RBFOX1: variants seen among roughly 807,000 people sequenced by gnomAD.
RBFOX1 encodes RNA binding fox-1 homolog 1.
RBFOX1 carries 8 observed loss-of-function variants against 57.7 expected under a neutral mutation model. The ratio of observed to expected loss-of-function variants is 0.14; its 90% CI spans 0.08 to 0.25. The LOEUF is 0.25. Ranked by LOEUF, RBFOX1 falls within the 10% of genes least tolerant of loss-of-function variation. The pLI, the probability that RBFOX1 is intolerant of heterozygous loss-of-function variation, is 1.00. For synonymous variants in RBFOX1, 326 were observed against 222.4 expected, an observed-to-expected ratio of 1.47 and a Z score of -4.15; for missense variants, 611 against 548.5, an observed-to-expected ratio of 1.11 and a Z score of -1.14.
intron 2 of RBFOX1, among the ~76,000 whole-genome samples, chr16:6,461,069 C>G (rs1222239226): frequency 6.6e-6 from 1 of 152,006 alleles, no homozygotes; most frequent in Non-Finnish European, 1.5e-5. Context: ...CAGATAGACA[C>G]AGAGAGGGGA....
At chr16:6,167,327 C>G (rs1018042130) in intron 1 of RBFOX1, among the ~76,000 whole-genome samples, 4 of 152,216 alleles carry the variant, frequency 2.6e-5, no homozygotes, top group Non-Finnish European at 4.4e-5. Flanking sequence ...TGTACTTTCT[C>G]TGTGGACTTT....
chr16:5,808,527 G>A (rs201884130), intron 3 of RBFOX1, among the ~76,000 whole-genome samples: 1 of 152,128 alleles, frequency 6.6e-6, no homozygotes. Flanking sequence ...CCATTTTCAC[G>A]ATATTGATTC....
intron 1 of RBFOX1, among the ~76,000 whole-genome samples, chr16:5,334,665 T>C: frequency 6.6e-6 from 1 of 152,052 alleles, no homozygotes. Context: ...TGTTCACATG[T>C]GCACATATAT....
At chr16:6,642,611 G>T (rs62017860) in intron 2 of RBFOX1, among the ~76,000 whole-genome samples, 2 of 151,808 alleles carry the variant, frequency 1.3e-5, no homozygotes, top group Non-Finnish European at 2.9e-5. Context: ...AAAAAGTAAG[G>T]TGAAGAAAAC....
chr16:7,455,803 A>T (rs1040570494), intron 4 of RBFOX1, among the ~76,000 whole-genome samples: 6 of 147,218 alleles, frequency 4.1e-5, no homozygotes, highest in Non-Finnish European at 6.0e-5. Flanking sequence ...AAAAAAAAAG[A>T]AAAAAAAGAA....
At chr16:5,542,313 ATC>A (rs2044990815) in intron 2 of RBFOX1, among the ~76,000 whole-genome samples, 1 of 145,620 alleles carries the variant, frequency 6.9e-6, no homozygotes, top group South Asian at 2.2e-4. Flanking sequence ...CAGTGGCACG[ATC>A]TCGGCTCACT....
rs183173296 is a variant in RBFOX1, at chr16:6,483,619, G to A, written c.-64+166562G>A. 183 of 1,205,494 alleles carry A rather than the reference G, an allele frequency of 1.5e-4. 1 individual carries two copies. In the East Asian group the frequency reaches 6.0e-3, roughly 40 times the overall value. 74.7% of individuals were successfully genotyped at this position (1,205,494 alleles called of 1,614,324 possible). ...GAGGGAGAGAGGGAGGGAGGGAAGG[G>A]AGAGACCAGGCAGCTTCTGCAGAGG... On this transcript the variant is annotated intron_variant, in intron 2 of 15. Transcript: ENST00000550418.
intron 4 of RBFOX1, among the ~76,000 whole-genome samples, chr16:7,389,123 T>G (rs939978739): frequency 6.6e-6 from 1 of 151,062 alleles, no homozygotes; most frequent in African/African-American, 2.4e-5. Context: ...TTGTTCCTTT[T>G]TATTTTTATT....
intron 2 of RBFOX1, among the ~76,000 whole-genome samples, chr16:5,493,447 G>T (rs562832384): frequency 6.6e-6 from 1 of 152,272 alleles, no homozygotes; most frequent in Non-Finnish European, 1.5e-5. Flanking sequence ...GATCTAAGGT[G>T]TAATGAGTTG....
intron 1 of RBFOX1, among the ~76,000 whole-genome samples, chr16:6,109,266 T>C (rs1597386028): frequency 6.6e-6 from 1 of 152,220 alleles, no homozygotes; most frequent in East Asian, 1.9e-4. Context: ...AAGCATTTCT[T>C]GATCATCTTT....
chr16:6,705,229 A>G (rs1346448135), intron 3 of RBFOX1: 1 of 152,154 alleles, frequency 6.6e-6, no homozygotes, highest in Non-Finnish European at 1.5e-5. Context: ...GTTGGCATTC[A>G]TCTAGTGGGA....
intron 3 of RBFOX1, among the ~76,000 whole-genome samples, chr16:6,675,324 G>T (rs574399258): frequency 6.6e-6 from 1 of 152,112 alleles, no homozygotes; most frequent in African/African-American, 2.4e-5. Flanking sequence ...CTAAATGTAG[G>T]TGCTCTTGCA....
At chr16:6,560,140 C>G (rs1471253688) in intron 2 of RBFOX1, among the ~76,000 whole-genome samples, 1 of 149,612 alleles carries the variant, frequency 6.7e-6, no homozygotes, top group African/African-American at 2.5e-5. Flanking sequence ...GTTATTCTGC[C>G]CCATGCATGG....
At chr16:7,167,651 C>T (rs1016809910) in intron 4 of RBFOX1, among the ~76,000 whole-genome samples, 5 of 152,186 alleles carry the variant, frequency 3.3e-5, no homozygotes, top group African/African-American at 9.7e-5. Context: ...GTTACTGCAG[C>T]CCTAGGAAAC....
intron 3 of RBFOX1, among the ~76,000 whole-genome samples, chr16:5,750,211 G>A (rs1300220716): frequency 2.0e-5 from 3 of 152,166 alleles, no homozygotes; most frequent in East Asian, 1.9e-4. Context: ...GTTGCTGCCC[G>A]ATCATTCCTT....
At chr16:6,043,592 C>G (rs575104682) in intron 1 of RBFOX1, among the ~76,000 whole-genome samples, 1 of 152,180 alleles carries the variant, frequency 6.6e-6, no homozygotes, top group Non-Finnish European at 1.5e-5. Context: ...TGTCTGACCT[C>G]CCTTTTGGCG....
chr16:6,688,043 A>G (rs192301677), intron 3 of RBFOX1, among the ~76,000 whole-genome samples: 1 of 152,210 alleles, frequency 6.6e-6, no homozygotes, highest in African/African-American at 2.4e-5. Context: ...GTATTAGTCC[A>G]TTCTTGCACT....
At chr16:7,056,153 C>T (rs974556873) in intron 4 of RBFOX1, among the ~76,000 whole-genome samples, 1 of 152,082 alleles carries the variant, frequency 6.6e-6, no homozygotes, top group South Asian at 2.1e-4. Context: ...CCCACAGATG[C>T]TGTCCATGAG....
chr16:7,404,524 G>A (rs1046028756), intron 4 of RBFOX1, among the ~76,000 whole-genome samples: 1 of 152,088 alleles, frequency 6.6e-6, no homozygotes, highest in Non-Finnish European at 1.5e-5. Context: ...TCCATAGATA[G>A]GTGCTATTAT....
Sources: gnomAD v4.1 joint callset for allele counts (sites outside exome capture counted in the v4.1 genomes callset) on GRCh38, gnomAD v4.1.1 for gene constraint, MANE v1.5 for transcripts, NCBI Gene and HGNC (gene_info 2026-07-23, HGNC 2026-07-21) for gene names.